TMEM242: variants seen among roughly 807,000 people sequenced by gnomAD.
TMEM242 encodes UPF0463 transmembrane protein C6orf35.
In TMEM242, 10 loss-of-function variants were observed where a neutral mutation model predicts 18.2. The ratio of observed to expected loss-of-function variants is 0.55; its 90% CI spans 0.34 to 0.93. TMEM242 has a LOEUF of 0.93. Among genes scored for constraint, TMEM242 ranks in the 40% least tolerant of loss-of-function variants. The pLI is 0.02. For synonymous variants in TMEM242, 57 were observed against 69.9 expected (o/e 0.81, Z 0.92); for missense variants, 186 against 175.5 (o/e 1.06, Z -0.34).
At chr6:157,311,299 T>A in intron 3 of TMEM242, among the ~76,000 whole-genome samples, 1 of 148,148 alleles carries the variant, frequency 6.8e-6, no homozygotes, top group Admixed American at 6.7e-5. Flanking sequence ...CCGAGCCTCA[T>A]TATAGTGTCC....
At chr6:157,310,134 C>T (rs1777977871) in intron 3 of TMEM242, among the ~76,000 whole-genome samples, 1 of 152,188 alleles carries the variant, frequency 6.6e-6, no homozygotes, top group Admixed American at 6.5e-5. Context: ...TAACCTAAAC[C>T]TCTTCAGAAT....
chr6:157,313,343 C>A (rs868950225), intron 3 of TMEM242, among the ~76,000 whole-genome samples: 4 of 151,520 alleles, frequency 2.6e-5, no homozygotes, highest in Non-Finnish European at 4.4e-5. Context: ...TCATAGTGCC[C>A]CAGTGTGCGC....
rs994105431 is a variant in TMEM242, at chr6:157,303,300, C to T, written c.328-10301G>A. On this transcript the variant is annotated intron_variant, in intron 3 of 3. Coordinates refer to ENST00000400788, the MANE Select transcript of TMEM242 (RefSeq NM_018452.6). The stretch of plus-strand genomic sequence containing the variant: ...CTAAAAGGTGAGAGAGACAGAAAGG[C>T]GGGGCCACAGACCCCATCTAGAGAG... 2.6e-5 allele frequency among the ~76,000 whole-genome samples: 4 copies of T among 152,106 alleles called. No individual in the cohort carries two copies. In the South Asian group the frequency reaches 6.2e-4, roughly 24 times the overall value.
chr6:157,300,233 T>A (rs1583557350), intron 3 of TMEM242: 2 of 398,182 alleles, frequency 5.0e-6, no homozygotes, highest in Non-Finnish European at 9.4e-6. Context: ...CTGTGGCGAG[T>A]GCGCAAGACA....
intron 3 of TMEM242, chr6:157,318,499 A>G: frequency 2.4e-6 from 1 of 417,370 alleles, no homozygotes; most frequent in Non-Finnish European, 4.2e-6. Flanking sequence ...CTGGGATTAC[A>G]GGCATAACCC....
intron 2 of TMEM242, 35 bp downstream of exon 2, chr6:157,322,670 T>C (rs781930312): frequency 6.4e-7 from 1 of 1,570,098 alleles, no homozygotes; most frequent in Non-Finnish European, 8.7e-7. Flanking sequence ...TTGTAAACAA[T>C]AACAATGCTA....
At chr6:157,321,552 A>G (rs1158396487) in intron 2 of TMEM242, among the ~76,000 whole-genome samples, 1 of 152,176 alleles carries the variant, frequency 6.6e-6, no homozygotes, top group Non-Finnish European at 1.5e-5. Flanking sequence ...GCATCTTAGT[A>G]TCATTATGAA....
intron 2 of TMEM242, among the ~76,000 whole-genome samples, chr6:157,320,239 C>G (rs1778470514): frequency 6.6e-6 from 1 of 152,104 alleles, no homozygotes; most frequent in African/African-American, 2.4e-5. Flanking sequence ...CTCAAACTAC[C>G]TGGTCTCAGG....
chr6:157,293,346 ATCTC>A (rs1413792972), intron 3 of TMEM242, among the ~76,000 whole-genome samples: 1 of 143,358 alleles, frequency 7.0e-6, no homozygotes, highest in Non-Finnish European at 1.5e-5. Context: ...GCAAGACTCT[ATCTC>A]TTTAAAAACA....
intron 3 of TMEM242, among the ~76,000 whole-genome samples, chr6:157,311,388 TCACCTA>T (rs1778083453): frequency 1.2e-5 from 1 of 83,894 alleles, no homozygotes; most frequent in African/African-American, 4.7e-5. Context: ...CAGTGTGCGC[TCACCTA>T]GCCTCATCAT....
At chr6:157,314,664 C>T (rs1344600567) in intron 3 of TMEM242, among the ~76,000 whole-genome samples, 1 of 152,158 alleles carries the variant, frequency 6.6e-6, no homozygotes, top group African/African-American at 2.4e-5. Context: ...TCTGCTACCT[C>T]TCCTTCTTTA....
intron 3 of TMEM242, chr6:157,299,896 G>A (rs1374712616): frequency 1.2e-6 from 2 of 1,612,542 alleles, no homozygotes; most frequent in African/African-American, 2.7e-5. Context: ...TTAATAAGAT[G>A]CTGGTAGCGC....
chr6:157,311,033 T>G (rs1356966672), intron 3 of TMEM242, among the ~76,000 whole-genome samples: 1 of 115,932 alleles, frequency 8.6e-6, no homozygotes, highest in African/African-American at 3.6e-5. Flanking sequence ...CTCATCATAG[T>G]GTCCCAGTGT....
chr6:157,313,241 G>C (rs200489900), intron 3 of TMEM242, among the ~76,000 whole-genome samples: 45 of 1,566 alleles, frequency 0.029, no homozygotes, highest in East Asian at 0.088. Flanking sequence ...TCATAGTGTC[G>C]CAGAGTGTGC....
chr6:157,313,829 T>A (rs1562386778), intron 3 of TMEM242, among the ~76,000 whole-genome samples: 1 of 142,724 alleles, frequency 7.0e-6, no homozygotes, highest in African/African-American at 2.5e-5. Flanking sequence ...CAGTGTGCGC[T>A]CACCTAGCCT....
At chr6:157,315,537 C>G (rs1472748767) in intron 3 of TMEM242, among the ~76,000 whole-genome samples, 1 of 152,128 alleles carries the variant, frequency 6.6e-6, no homozygotes, top group African/African-American at 2.4e-5. Flanking sequence ...ATAAAGATGT[C>G]AGGAACTCTC....
At chr6:157,315,075 T>C (rs1778365670) in intron 3 of TMEM242, among the ~76,000 whole-genome samples, 1 of 152,228 alleles carries the variant, frequency 6.6e-6, no homozygotes, top group Admixed American at 6.5e-5. Flanking sequence ...CTTGGACCAT[T>C]TCTGTTTAAC....
intron 3 of TMEM242, among the ~76,000 whole-genome samples, chr6:157,310,977 T>C (rs868952528): frequency 0.11 from 210 of 1,960 alleles, 4 homozygotes; most frequent in Middle Eastern, 0.25. Flanking sequence ...CATCATAGTG[T>C]CCCAGTATGC....
intron 3 of TMEM242, among the ~76,000 whole-genome samples, chr6:157,295,296 A>T (rs1421337691): frequency 1.3e-5 from 2 of 152,222 alleles, no homozygotes; most frequent in Non-Finnish European, 2.9e-5. Context: ...TCTTCCATAA[A>T]GAATTAATTG....
Sources: allele counts gnomAD v4.1 joint callset (sites outside exome capture counted in the v4.1 genomes callset), GRCh38; gene constraint gnomAD v4.1.1; transcripts MANE v1.5; gene names NCBI Gene and HGNC (gene_info 2026-07-23, HGNC 2026-07-21).